VPS13B: variants seen among roughly 807,000 people sequenced by gnomAD.
VPS13B encodes intermembrane lipid transfer protein VPS13B.
VPS13B carries 285 observed loss-of-function variants against 426.4 expected under a neutral mutation model. The observed-to-expected ratio is 0.67, with a 90% CI of 0.61 to 0.74. The LOEUF (loss-of-function observed/expected upper bound fraction) is 0.74, where lower values mean the gene tolerates loss of function less well. Among genes scored for constraint, VPS13B ranks in the 30% least tolerant of loss-of-function variants. VPS13B has a pLI of 0.00. For synonymous variants in VPS13B, 1,676 were observed against 1,676.4 expected (o/e 1.00, Z 0.01); for missense variants, 4,537 against 4,782.6 (o/e 0.95, Z 1.51).
intron 33 of VPS13B, among the ~76,000 whole-genome samples, chr8:99,607,525 A>G (rs1402868869): frequency 6.6e-6 from 1 of 152,204 alleles, no homozygotes; most frequent in Non-Finnish European, 1.5e-5. Context: ...AGTGTCTTTA[A>G]GAGATGGAAG....
At chr8:99,274,531 A>C (rs1818794316) in intron 18 of VPS13B, among the ~76,000 whole-genome samples, 199 bp downstream of exon 18, 1 of 148,794 alleles carries the variant, frequency 6.7e-6, no homozygotes, top group South Asian at 2.2e-4. Context: ...AGGGAAAAAT[A>C]CTTAGTTTTA....
At chr8:99,499,703 A>G (rs530014426) in intron 25 of VPS13B, among the ~76,000 whole-genome samples, 5 of 152,116 alleles carry the variant, frequency 3.3e-5, no homozygotes, top group African/African-American at 1.2e-4. Flanking sequence ...TATTTTGTAA[A>G]AGCATTTATA....
rs943829670 is a variant in VPS13B at position 99,818,965 on chromosome 8, G to A, written c.8621+77G>A. The stretch of plus-strand genomic sequence containing the variant: ...TAGAAAAGTAACCTTGCACTGGGGG[G>A]CGGCGGGGGAGGGGTGGGTAGGGAG... On this transcript the variant is annotated intron_variant, in intron 47 of 61. Coordinates refer to ENST00000357162, the MANE Select transcript of VPS13B (RefSeq NM_152564.5). 173 of 1,167,690 alleles carry A rather than the reference G, an allele frequency of 1.5e-4. 2 individuals are homozygous for A. The highest frequency in any genetic ancestry group is 3.6e-4 in the Admixed American group (18 of 50,510). 72.3% of individuals were successfully genotyped at this position (1,167,690 alleles called of 1,614,324 possible). A position where few individuals can be genotyped will look rare whatever the true frequency, so the allele number is the denominator to read the frequency against.
intron 32 of VPS13B, among the ~76,000 whole-genome samples, chr8:99,576,370 G>A (rs1330326321): frequency 2.0e-5 from 3 of 150,706 alleles, no homozygotes; most frequent in Admixed American, 2.0e-4. Flanking sequence ...GTAATGTTAC[G>A]GTGACTATTT....
intron 32 of VPS13B, among the ~76,000 whole-genome samples, chr8:99,576,694 G>A (rs1040530852): frequency 2.8e-4 from 43 of 152,080 alleles, no homozygotes; most frequent in Admixed American, 6.6e-4. Context: ...CATGACAAGA[G>A]GCAGGACTTA....
chr8:99,422,577 CTAA>C lies in VPS13B; in HGVS notation c.3083-8958_3083-8956del, dbSNP rs1212579469. On this transcript the variant is annotated intron_variant, in intron 21 of 61. Coordinates refer to ENST00000357162, the MANE Select transcript of VPS13B (RefSeq NM_152564.5). ...TTTAAAATTTGGTCTGTATTTTAAG[CTAA>C]TTATTTAGATTCCTAGAGCTATACA... 3.3e-5 allele frequency among the ~76,000 whole-genome samples: 5 copies of C among 152,122 alleles called. No individual in the cohort carries two copies. In the East Asian group the frequency reaches 5.8e-4, roughly 18 times the overall value.
In VPS13B at chr8:99,853,913, G is replaced by A. The variant is rs375804595; in HGVS notation, c.10524G>A (p.Val3508=). 2 of 1,614,088 alleles carry A rather than the reference G, an allele frequency of 1.2e-6. No homozygotes were observed. Among genetic ancestry groups the A allele is most frequent in the African/African-American group, 2.7e-5 (2 of 74,940 alleles). The change falls in exon 56 of 62, where the codon GTG becomes GTA. Residue 3508 remains valine (V), a synonymous_variant. Coordinates refer to ENST00000357162, the MANE Select transcript of VPS13B (RefSeq NM_152564.5). ...AATTAAAACCTGCTCGGTTATACGT[G>A]GAAGACACATTTGTATACTACATCA... ...SFELKPARLY[V]EDTFVYYIKT...
Position 99,699,655 on chromosome 8 carries a change from C to T in VPS13B, c.6177C>T (p.Ala2059=), listed in dbSNP as rs1832187934. Residue 2059 remains alanine, a synonymous_variant, in exon 36 of 62, where the codon GCC becomes GCT. Coordinates refer to ENST00000357162, the MANE Select transcript of VPS13B (RefSeq NM_152564.5). ...HSLAHSEETS[A]MSNTMVNKDD... ...TGGCACATAGTGAAGAGACTTCAGC[C>T]ATGTCCAACACCATGGTGAATAAGG... is the stretch of plus-strand genomic sequence containing the variant. The T allele has an allele frequency of 1.9e-6, 3 of 1,613,982 alleles. No individual in the cohort carries two copies. Among genetic ancestry groups the T allele is most frequent in the Non-Finnish European group, 2.5e-6 (3 of 1,180,026 alleles).
Position 99,334,668 on chromosome 8 carries a change from G to A in VPS13B, c.2825-49540G>A, listed in dbSNP as rs928843482. 1.8e-4 allele frequency among the ~76,000 whole-genome samples: 27 copies of A among 152,208 alleles called. 1 individual carries two copies. Among genetic ancestry groups the A allele is most frequent in the South Asian group, 6.2e-4 (3 of 4,822 alleles). ...TGCTGGATTACATTTATTGATTTGC[G>A]TATATTGAACCAGCCTTGCATCCCA... On this transcript the variant is annotated intron_variant, in intron 19 of 61. Transcript: ENST00000357162.
At chr8:99,813,207 T>G (rs1028664328) in intron 44 of VPS13B, among the ~76,000 whole-genome samples, 1 of 152,214 alleles carries the variant, frequency 6.6e-6, no homozygotes, top group African/African-American at 2.4e-5. Context: ...TGGCCACTTT[T>G]AAGAATTTTC....
At chr8:99,535,751 G>C (rs1421011358) in intron 30 of VPS13B, among the ~76,000 whole-genome samples, 1 of 151,998 alleles carries the variant, frequency 6.6e-6, no homozygotes, top group East Asian at 1.9e-4. Flanking sequence ...ATTCTAGCCT[G>C]TATTTGGTAG....
intron 17 of VPS13B, among the ~76,000 whole-genome samples, chr8:99,216,100 C>T (rs372362415): frequency 1.1e-4 from 17 of 152,242 alleles, no homozygotes; most frequent in African/African-American, 3.6e-4. Context: ...AGGTAGGCAG[C>T]TACTAATCCT....
At position 99,428,687 on chromosome 8, in the gene VPS13B, T is replaced by A. The variant is rs1417232708; in HGVS notation, c.3083-2850T>A. On this transcript the variant is annotated intron_variant, in intron 21 of 61. Transcript: ENST00000357162. ...AACACTTTTACACTGTTGGTGGGAGTGTAAACTGGTTCAACCATTGTGGAA... is the reference window on the plus strand; with the variant it reads ...AACACTTTTACACTGTTGGTGGGAGAGTAAACTGGTTCAACCATTGTGGAA... 2.0e-5 allele frequency among the ~76,000 whole-genome samples: 3 copies of A among 152,000 alleles called. No homozygotes were observed. In the East Asian group the frequency reaches 5.8e-4, roughly 29 times the overall value.
chr8:99,476,777 A>C (rs1819713253), intron 24 of VPS13B, among the ~76,000 whole-genome samples: 1 of 152,188 alleles, frequency 6.6e-6, no homozygotes, highest in African/African-American at 2.4e-5. Flanking sequence ...TTTCAGAGAA[A>C]AGACTCTATC....
intron 36 of VPS13B, among the ~76,000 whole-genome samples, chr8:99,715,305 A>G (rs1832867122): frequency 6.6e-6 from 1 of 152,182 alleles, no homozygotes; most frequent in Non-Finnish European, 1.5e-5. Context: ...CTGAATAGCT[A>G]CTGTTGTGCC....
At chr8:99,605,758 G>C (rs1827537893) in intron 33 of VPS13B, among the ~76,000 whole-genome samples, 1 of 152,180 alleles carries the variant, frequency 6.6e-6, no homozygotes. Context: ...CAGGTGGGTG[G>C]ATCTAGGTTC....
chr8:99,500,819 G>T (rs1329885260), intron 25 of VPS13B, among the ~76,000 whole-genome samples: 2 of 152,128 alleles, frequency 1.3e-5, no homozygotes, highest in Non-Finnish European at 2.9e-5. Context: ...AATGATTGCA[G>T]CATCTCTTCT....
chr8:99,273,053 C>T (rs886935282), intron 17 of VPS13B, among the ~76,000 whole-genome samples: 1 of 152,052 alleles, frequency 6.6e-6, no homozygotes, highest in African/African-American at 2.4e-5. Flanking sequence ...ATTCAGGACA[C>T]TTCTGCTCCC....
intron 12 of VPS13B, among the ~76,000 whole-genome samples, chr8:99,141,602 A>G (rs1810425098): frequency 6.6e-6 from 1 of 152,186 alleles, no homozygotes; most frequent in African/African-American, 2.4e-5. Context: ...AGTATTAATC[A>G]TACATCTTAC....
Sources: allele counts gnomAD v4.1 joint callset (sites outside exome capture counted in the v4.1 genomes callset), GRCh38; gene constraint gnomAD v4.1.1; transcripts MANE v1.5; gene names NCBI Gene and HGNC (gene_info 2026-07-23, HGNC 2026-07-21).